PDE1A: variants seen among roughly 807,000 people sequenced by gnomAD.
PDE1A encodes dual specificity calcium/calmodulin-dependent 3',5'-cyclic nucleotide phosphodiesterase 1A.
A neutral mutation model predicts 61.7 loss-of-function variants in PDE1A; 35 were observed. The ratio of observed to expected loss-of-function variants is 0.57; its 90% CI spans 0.43 to 0.75. The LOEUF (loss-of-function observed/expected upper bound fraction) is 0.75. Ranked by LOEUF, PDE1A falls within the 30% of genes least tolerant of loss-of-function variation. The pLI, the probability that PDE1A is intolerant of heterozygous loss-of-function variation, is 0.00. For synonymous variants in PDE1A, 232 were observed against 213.2 expected, an observed-to-expected ratio of 1.09 and a Z score of -0.77; for missense variants, 597 against 630.6, an observed-to-expected ratio of 0.95 and a Z score of 0.57.
the PDE1A span, among the ~76,000 whole-genome samples, chr2:182,625,204 C>T: frequency 1.3e-4 from 20 of 152,290 alleles, no homozygotes; most frequent in African/African-American, 4.1e-4. Context: ...GTAGCCTGGA[C>T]TTTCCAGCAT....
At chr2:182,520,450 T>C (rs772717615) in intron 2 of PDE1A, among the ~76,000 whole-genome samples, 7 of 151,870 alleles carry the variant, frequency 4.6e-5, no homozygotes, top group Non-Finnish European at 1.0e-4. Context: ...TAAACACAAC[T>C]CAAAATTAAT....
chr2:182,355,242 T>TA (rs1285927076), intron 1 of PDE1A, among the ~76,000 whole-genome samples: 1 of 151,998 alleles, frequency 6.6e-6, no homozygotes, highest in Admixed American at 6.6e-5. Flanking sequence ...TGGCCACTCT[T>TA]ACCATTAAGA....
the PDE1A span, among the ~76,000 whole-genome samples, chr2:182,662,341 G>GAAAAAAAAAAAC: frequency 7.2e-6 from 1 of 137,976 alleles, no homozygotes; most frequent in African/African-American, 2.8e-5. Context: ...AAAAAAAAAA[G>GAAAAAAAAAAAC]AAAAAAAAAA....
chr2:182,299,457 A>C (rs781189432), intron 1 of PDE1A, among the ~76,000 whole-genome samples: 1 of 145,990 alleles, frequency 6.8e-6, no homozygotes, highest in Admixed American at 7.0e-5. Flanking sequence ...TTCAAATGCA[A>C]TGTGGCATCC....
intron 7 of PDE1A, among the ~76,000 whole-genome samples, chr2:182,216,045 G>A (rs1415436597): frequency 1.3e-5 from 1 of 74,738 alleles, no homozygotes; most frequent in African/African-American, 5.1e-5. Flanking sequence ...GAATCCAGCA[G>A]CACATCAAAA....
At chr2:182,382,216 C>T (rs1700777435) in intron 1 of PDE1A, among the ~76,000 whole-genome samples, 1 of 152,152 alleles carries the variant, frequency 6.6e-6, no homozygotes, top group Non-Finnish European at 1.5e-5. Context: ...CAAATCTAAT[C>T]ACATGAGTCC....
At chr2:182,668,688 T>C in the PDE1A span, among the ~76,000 whole-genome samples, 1 of 152,116 alleles carries the variant, frequency 6.6e-6, no homozygotes, top group Non-Finnish European at 1.5e-5. Context: ...GGCTGCCTGC[T>C]CCTGCCACAG....
At chr2:182,464,356 A>C (rs1292587491) in intron 2 of PDE1A, among the ~76,000 whole-genome samples, 2 of 152,102 alleles carry the variant, frequency 1.3e-5, no homozygotes, top group Non-Finnish European at 2.9e-5. Flanking sequence ...CAAAAACAGC[A>C]GCGATGAGTG....
intron 1 of PDE1A, among the ~76,000 whole-genome samples, chr2:182,307,916 G>A (rs887193126): frequency 6.6e-6 from 1 of 151,882 alleles, no homozygotes; most frequent in Non-Finnish European, 1.5e-5. Context: ...TGGTGAGGGT[G>A]TGGAGAAAAG....
the PDE1A span, among the ~76,000 whole-genome samples, chr2:182,636,589 C>G: frequency 6.6e-6 from 1 of 152,178 alleles, no homozygotes; most frequent in Non-Finnish European, 1.5e-5. Context: ...ACGTATTTTG[C>G]TTTCATCAGT....
chr2:182,604,103 T>C, the PDE1A span, among the ~76,000 whole-genome samples: 1 of 152,046 alleles, frequency 6.6e-6, no homozygotes, highest in Non-Finnish European at 1.5e-5. Context: ...ATTAAGAAGA[T>C]CTTACTGGAA....
At chr2:182,621,996 C>G in the PDE1A span, among the ~76,000 whole-genome samples, 2 of 152,088 alleles carry the variant, frequency 1.3e-5, no homozygotes, top group Non-Finnish European at 2.9e-5. Context: ...TAATTAATGG[C>G]TTCATTTGTA....
At chr2:182,304,118 C>T (rs936466495) in intron 1 of PDE1A, among the ~76,000 whole-genome samples, 1 of 152,042 alleles carries the variant, frequency 6.6e-6, no homozygotes, top group Non-Finnish European at 1.5e-5. Flanking sequence ...CCCTTGACCT[C>T]GTGATCCTCC....
chr2:182,263,056 A>G (rs1692343032), intron 2 of PDE1A, among the ~76,000 whole-genome samples: 1 of 151,996 alleles, frequency 6.6e-6, no homozygotes, highest in Non-Finnish European at 1.5e-5. Flanking sequence ...TTAGTTGCCC[A>G]TCCAGTTTAA....
At chr2:182,439,800 T>A (rs749793775) in intron 2 of PDE1A, among the ~76,000 whole-genome samples, 1 of 152,060 alleles carries the variant, frequency 6.6e-6, no homozygotes, top group East Asian at 1.9e-4. Flanking sequence ...AAGGAAGATA[T>A]GGGCTAACTG....
chr2:182,511,934 G>C (rs1381542455), intron 2 of PDE1A, among the ~76,000 whole-genome samples: 2 of 152,122 alleles, frequency 1.3e-5, no homozygotes, highest in African/African-American at 2.4e-5. Context: ...GCCAACACAT[G>C]TTCACAAATG....
At chr2:182,445,445 T>G (rs1167845169) in intron 2 of PDE1A, among the ~76,000 whole-genome samples, 1 of 152,120 alleles carries the variant, frequency 6.6e-6, no homozygotes, top group African/African-American at 2.4e-5. Context: ...TAAACAGAAT[T>G]ATTTTTTCTA....
At chr2:182,223,792 C>A in intron 7 of PDE1A, 72 bp downstream of exon 7, 3 of 821,960 alleles carry the variant, frequency 3.6e-6, no homozygotes, top group Non-Finnish European at 5.7e-6. Flanking sequence ...TTTTAAAAAT[C>A]CTCTTAAGTG....
intron 13 of PDE1A, among the ~76,000 whole-genome samples, chr2:182,169,965 T>TACACAC (rs5836829): frequency 8.2e-5 from 12 of 145,918 alleles, no homozygotes; most frequent in African/African-American, 3.0e-4. Context: ...TTCTCTTTCA[T>TACACAC]ACACACACAC....
Sources: gnomAD v4.1 joint callset for allele counts (sites outside exome capture counted in the v4.1 genomes callset) on GRCh38, gnomAD v4.1.1 for gene constraint, MANE v1.5 for transcripts, NCBI Gene and HGNC (gene_info 2026-07-23, HGNC 2026-07-21) for gene names.